Variants in CDK15 observed in about 807,000 individuals in gnomAD.
CDK15 encodes the protein cyclin-dependent kinase 15.
In CDK15, 62 loss-of-function variants were observed where a neutral mutation model predicts 60.3. The observed-to-expected ratio is 1.03, with a 90% CI of 0.84 to 1.27. The LOEUF is 1.27. Among genes scored for constraint, CDK15 ranks in the 50% most tolerant of loss-of-function variants. CDK15 has a pLI of 0.00. For synonymous variants in CDK15, 194 were observed against 195.7 expected, an observed-to-expected ratio of 0.99 and a Z score of 0.07; for missense variants, 541 against 527.8, an observed-to-expected ratio of 1.03 and a Z score of -0.25.
intron 9 of CDK15, among the ~76,000 whole-genome samples, chr2:201,848,041 A>G (rs1352874134): frequency 6.6e-6 from 1 of 152,118 alleles, no homozygotes; most frequent in Non-Finnish European, 1.5e-5. Flanking sequence ...TGGGAGGATC[A>G]CTTGAGCCCA....
chr2:201,879,367 A>G (rs1699190361), intron 11 of CDK15, among the ~76,000 whole-genome samples: 2 of 151,976 alleles, frequency 1.3e-5, no homozygotes, highest in South Asian at 4.2e-4. Context: ...TGGAGTCCAG[A>G]GCCTTGAACA....
At chr2:201,859,540 G>T (rs1021795990) in intron 10 of CDK15, among the ~76,000 whole-genome samples, 3 of 152,110 alleles carry the variant, frequency 2.0e-5, no homozygotes, top group Non-Finnish European at 4.4e-5. Context: ...TTCTGGATGA[G>T]ATTTCCATTC....
At chr2:201,851,789 A>G (rs1697923350) in intron 9 of CDK15, among the ~76,000 whole-genome samples, 1 of 152,028 alleles carries the variant, frequency 6.6e-6, no homozygotes, top group Non-Finnish European at 1.5e-5. Context: ...CTTCCCAAGT[A>G]GCTGGGATTA....
At chr2:201,829,417 G>C (rs1238515233) in intron 6 of CDK15, among the ~76,000 whole-genome samples, 1 of 152,192 alleles carries the variant, frequency 6.6e-6, no homozygotes, top group Admixed American at 6.5e-5. Context: ...AGCCGGAACT[G>C]ACGGGAAAAA....
At chr2:201,871,061 A>G (rs1698835038) in intron 10 of CDK15, among the ~76,000 whole-genome samples, 1 of 152,202 alleles carries the variant, frequency 6.6e-6, no homozygotes, top group African/African-American at 2.4e-5. Flanking sequence ...AATTTTTATT[A>G]TCACCTATTT....
At chr2:201,892,867 C>T (rs1363771338) in intron 13 of CDK15, among the ~76,000 whole-genome samples, 1 of 152,196 alleles carries the variant, frequency 6.6e-6, no homozygotes, top group Non-Finnish European at 1.5e-5. Context: ...TCGTAACTGG[C>T]AGCAATGCCT....
chr2:201,833,210 G>GC (rs1696834234), intron 6 of CDK15, among the ~76,000 whole-genome samples: 1 of 81,822 alleles, frequency 1.2e-5, no homozygotes, highest in Non-Finnish European at 2.9e-5. Context: ...GATTTTTTTT[G>GC]AGGGGGGGGG....
intron 8 of CDK15, among the ~76,000 whole-genome samples, chr2:201,845,589 TA>T (rs35345906): frequency 0.02 from 2,049 of 101,470 alleles, 33 homozygotes; most frequent in African/African-American, 0.066. Context: ...CCATCTGTAT[TA>T]AAAAAAAAAA....
rs955037695 is a variant in CDK15, at chr2:201,892,631, G to C, written c.*34-670G>C. 5.4e-4 allele frequency among the ~76,000 whole-genome samples: 82 copies of C among 152,314 alleles called. 1 individual carries two copies. Among genetic ancestry groups the C allele is most frequent in the Middle Eastern group, 3.4e-3 (1 of 294 alleles). Reference sequence around the variant, plus strand: ...GATGTCCCTAGGCCTTGGTACGAATGTAAGGAGATAAAACTGAGATGAGCC... The same window carrying C: ...GATGTCCCTAGGCCTTGGTACGAATCTAAGGAGATAAAACTGAGATGAGCC... On this transcript the variant is annotated intron_variant, in intron 13 of 13. Transcript: ENST00000652192.
At chr2:201,826,585 G>A (rs1462118073) in intron 6 of CDK15, among the ~76,000 whole-genome samples, 1 of 152,024 alleles carries the variant, frequency 6.6e-6, no homozygotes, top group Non-Finnish European at 1.5e-5. Flanking sequence ...GGAAATAGAG[G>A]ATATGTTCAA....
intron 9 of CDK15, among the ~76,000 whole-genome samples, chr2:201,851,509 C>G (rs1385268131): frequency 6.6e-6 from 1 of 152,042 alleles, no homozygotes; most frequent in Admixed American, 6.6e-5. Context: ...TTCCCTCTAG[C>G]TCCTTTATAA....
chr2:201,873,911 G>A (rs923707170), intron 11 of CDK15, among the ~76,000 whole-genome samples: 11 of 152,140 alleles, frequency 7.2e-5, no homozygotes, highest in Non-Finnish European at 1.3e-4. Flanking sequence ...ACAATTAGCC[G>A]AGCGTGGTGG....
chr2:201,816,294 G>A (rs931334850), intron 4 of CDK15, among the ~76,000 whole-genome samples: 1 of 152,070 alleles, frequency 6.6e-6, no homozygotes. Context: ...AGTCCCTGGT[G>A]TAGTGTCTAT....
chr2:201,891,029 G>C (rs1006981238), intron 13 of CDK15, 102 bp downstream of exon 13: 1 of 609,822 alleles, frequency 1.6e-6, no homozygotes, highest in African/African-American at 1.9e-5. Context: ...CCTCTGTGCT[G>C]TTTCTAGTTC....
At chr2:201,814,775 T>C (rs1195449137) in intron 4 of CDK15, among the ~76,000 whole-genome samples, 2 of 152,214 alleles carry the variant, frequency 1.3e-5, no homozygotes, top group Non-Finnish European at 2.9e-5. Context: ...GCTGCCCTGA[T>C]GGTATAGCAG....
intron 10 of CDK15, among the ~76,000 whole-genome samples, chr2:201,868,722 A>G (rs1476582212): frequency 6.6e-6 from 1 of 152,170 alleles, no homozygotes; most frequent in African/African-American, 2.4e-5. Flanking sequence ...GGCAAAGGAT[A>G]TGAACAGACA....
chr2:201,823,305 G>A (rs1305211219), intron 5 of CDK15, among the ~76,000 whole-genome samples: 1 of 152,046 alleles, frequency 6.6e-6, no homozygotes, highest in Non-Finnish European at 1.5e-5. Context: ...TTGTATTTTT[G>A]GAAGAAAAAA....
In CDK15 at chr2:201,880,297, G is replaced by T. The variant is rs1012301373; in HGVS notation, c.1198+130G>T. Reference sequence around the variant, plus strand: ...GCATTTACCCCCAGGAGTGAAGTTAGAGATCAGTTTGCCTGGGAGAAGCAA... The same window carrying T: ...GCATTTACCCCCAGGAGTGAAGTTATAGATCAGTTTGCCTGGGAGAAGCAA... On this transcript the variant is annotated intron_variant, in intron 12 of 13. Transcript: ENST00000652192. 4.3e-6 allele frequency: 5 copies of T among 1,156,254 alleles called. No individual in the cohort carries two copies. The African/African-American group carries it at 7.7e-5, about 18-fold the overall frequency. The allele number at this position is 1,156,254 out of a possible 1,614,324, so 71.6% of individuals were successfully genotyped here. A position where few individuals can be genotyped will look rare whatever the true frequency, so the allele number is the denominator to read the frequency against.
intron 10 of CDK15, among the ~76,000 whole-genome samples, chr2:201,866,937 C>T (rs775675888): frequency 1.3e-5 from 2 of 152,280 alleles, no homozygotes; most frequent in East Asian, 1.9e-4. Flanking sequence ...AATGTAGCTA[C>T]AAAATAGAGG....
Sources: allele counts gnomAD v4.1 joint callset (sites outside exome capture counted in the v4.1 genomes callset), GRCh38; gene constraint gnomAD v4.1.1; transcripts MANE v1.5; gene names NCBI Gene and HGNC (gene_info 2026-07-23, HGNC 2026-07-21).